Variants in BRINP1 observed in about 807,000 individuals in gnomAD.
BRINP1 encodes the protein BMP/retinoic acid inducible neural specific 1, also known as BMP/retinoic acid-inducible neural-specific protein 1.
Under a neutral mutation model 72.9 loss-of-function variants are expected in BRINP1, and 17 were observed. The ratio of observed to expected loss-of-function variants is 0.23; its 90% CI spans 0.16 to 0.35. BRINP1 has a LOEUF of 0.35. Among genes scored for constraint, BRINP1 ranks in the 10% least tolerant of loss-of-function variants. The pLI is 1.00. For missense variants in BRINP1, 850 were observed against 1,001.6 expected (o/e 0.85, Z 2.04); for synonymous variants, 418 against 378.5 (o/e 1.10, Z -1.21).
At position 119,197,153 on chromosome 9, in the gene BRINP1, G is replaced by T. The variant is rs558641132; in HGVS notation, c.1145+11566C>A. On this transcript the variant is annotated intron_variant, in intron 7 of 7. Coordinates refer to ENST00000265922, the MANE Select transcript of BRINP1 (RefSeq NM_014618.3). ...GCTAGAAAAAAATGAAACAGAAGAT[G>T]CAGTAAAGGCATTTAATAGGATGGT... Among the ~76,000 whole-genome samples the T allele has an allele frequency of 1.8e-4, 28 of 152,324 alleles. No individual in the cohort carries two copies. The East Asian group carries it at 3.1e-3, about 17-fold the overall frequency.
intron 3 of BRINP1, 122 bp from the exon 4 acceptor site, chr9:119,242,338 T>C (rs576228822): frequency 1.9e-5 from 15 of 806,572 alleles, no homozygotes; most frequent in South Asian, 1.3e-4. Flanking sequence ...TGTTTCCTTC[T>C]GCCTCTAAAA....
At chr9:119,312,322 G>C (rs890070473) in intron 2 of BRINP1, among the ~76,000 whole-genome samples, 4 of 152,182 alleles carry the variant, frequency 2.6e-5, no homozygotes, top group Non-Finnish European at 2.9e-5. Context: ...ACAAGGCAGA[G>C]CAAAAATCAC....
At chr9:119,315,975 C>T (rs1291478675) in intron 1 of BRINP1, among the ~76,000 whole-genome samples, 5 of 152,210 alleles carry the variant, frequency 3.3e-5, no homozygotes, top group Non-Finnish European at 7.3e-5. Context: ...GAAGCCATCT[C>T]TGTAACATGA....
intron 3 of BRINP1, among the ~76,000 whole-genome samples, chr9:119,245,665 C>G (rs951346404): frequency 6.6e-6 from 1 of 152,170 alleles, no homozygotes; most frequent in African/African-American, 2.4e-5. Flanking sequence ...ATAGCCTTCC[C>G]TTCCTCTTTC....
chr9:119,343,959 C>T (rs914989561), intron 1 of BRINP1, among the ~76,000 whole-genome samples: 1 of 152,170 alleles, frequency 6.6e-6, no homozygotes, highest in African/African-American at 2.4e-5. Flanking sequence ...CTACACCTTT[C>T]CCTCCTCTGT....
At chr9:119,286,869 G>T (rs927243006) in intron 2 of BRINP1, among the ~76,000 whole-genome samples, 4 of 152,002 alleles carry the variant, frequency 2.6e-5, no homozygotes, top group African/African-American at 9.7e-5. Flanking sequence ...CTCTGACTTC[G>T]GTTATTCAAT....
At chr9:119,196,578 A>G (rs1015227567) in intron 7 of BRINP1, among the ~76,000 whole-genome samples, 3 of 152,228 alleles carry the variant, frequency 2.0e-5, no homozygotes, top group African/African-American at 4.8e-5. Context: ...GTCTAACCTT[A>G]TTCAATAACA....
intron 1 of BRINP1, among the ~76,000 whole-genome samples, chr9:119,352,197 A>G (rs1356166064): frequency 1.3e-5 from 2 of 152,184 alleles, no homozygotes; most frequent in Non-Finnish European, 2.9e-5. Context: ...CAGAAGCTCC[A>G]TCTGTCTTTA....
intron 1 of BRINP1, among the ~76,000 whole-genome samples, chr9:119,343,679 A>G (rs558301036): frequency 4.6e-5 from 7 of 152,068 alleles, no homozygotes; most frequent in East Asian, 1.9e-4. Flanking sequence ...TCAGTCCCCA[A>G]TAAGTAAGTG....
intron 1 of BRINP1, among the ~76,000 whole-genome samples, chr9:119,316,014 T>A (rs1161820710): frequency 6.6e-6 from 1 of 152,212 alleles, no homozygotes; most frequent in African/African-American, 2.4e-5. Context: ...CTAATGCTGA[T>A]GGAGAAGGTG....
chr9:119,237,325 C>A (rs1830201192), intron 5 of BRINP1, among the ~76,000 whole-genome samples: 1 of 142,588 alleles, frequency 7.0e-6, no homozygotes, highest in Admixed American at 7.0e-5. Flanking sequence ...TCTTCTAATA[C>A]CTGGGCATAT....
chr9:119,344,606 T>TGTGG (rs1831433288), intron 1 of BRINP1, among the ~76,000 whole-genome samples: 1 of 152,196 alleles, frequency 6.6e-6, no homozygotes, highest in African/African-American at 2.4e-5. Context: ...CAGATGAAAA[T>TGTGG]GTGGGTGGAT....
chr9:119,331,539 G>T (rs1340600732), intron 1 of BRINP1, among the ~76,000 whole-genome samples: 1 of 152,114 alleles, frequency 6.6e-6, no homozygotes. Context: ...AATTTAATTG[G>T]CTCCTTCTAT....
intron 7 of BRINP1, among the ~76,000 whole-genome samples, chr9:119,201,058 G>T (rs1030719230): frequency 3.9e-5 from 6 of 152,188 alleles, no homozygotes; most frequent in Admixed American, 1.3e-4. Flanking sequence ...TCAGCCACCT[G>T]AGGATTTTGT....
chr9:119,261,963 A>G (rs1036374487), intron 2 of BRINP1, among the ~76,000 whole-genome samples: 6 of 151,898 alleles, frequency 4.0e-5, no homozygotes, highest in Non-Finnish European at 1.5e-5. Context: ...AGAGATAAAT[A>G]ATATCTCTTT....
Position 119,214,172 on chromosome 9 carries a change from A to C in BRINP1, c.686-17T>G, listed in dbSNP as rs750341501. On this transcript the variant is annotated splice_polypyrimidine_tract_variant and intron_variant, in intron 5 of 7. Transcript: ENST00000265922. ...TCTGAAGACCTGTGTGAGAATAGCA[A>C]GAAGGGAAAACAGAAAGGTTTAAAA... The C allele has an allele frequency of 6.3e-7, 1 of 1,576,018 alleles. No homozygotes were observed. The highest frequency in any genetic ancestry group is 1.3e-5 in the African/African-American group (1 of 74,152).
intron 1 of BRINP1, among the ~76,000 whole-genome samples, chr9:119,316,763 T>A (rs1831129085): frequency 1.3e-5 from 2 of 152,158 alleles, no homozygotes; most frequent in South Asian, 4.1e-4. Context: ...CTGACAGAGA[T>A]ATACAAGGAG....
chr9:119,320,588 T>TTGCCC, intron 1 of BRINP1, among the ~76,000 whole-genome samples: 1 of 152,200 alleles, frequency 6.6e-6, no homozygotes, highest in East Asian at 1.9e-4. Flanking sequence ...AGGTGCTGCT[T>TTGCCC]TCTATGCGAG....
intron 7 of BRINP1, among the ~76,000 whole-genome samples, chr9:119,188,343 G>A (rs1456135905): frequency 6.6e-6 from 1 of 151,886 alleles, no homozygotes; most frequent in Non-Finnish European, 1.5e-5. Context: ...TTAAAGTGCT[G>A]AAAGAAAAAA....
Sources: allele counts gnomAD v4.1 joint callset (sites outside exome capture counted in the v4.1 genomes callset), GRCh38; gene constraint gnomAD v4.1.1; transcripts MANE v1.5; gene names NCBI Gene and HGNC (gene_info 2026-07-23, HGNC 2026-07-21).